The following TTN variants were observed in gnomAD, a reference collection of about 807,000 sequenced individuals.
TTN encodes the protein connectin.
A neutral mutation model predicts 3,223.0 loss-of-function variants in TTN; 1,525 were observed. That is an observed-to-expected ratio of 0.47 (90% CI 0.45 to 0.49). The LOEUF (loss-of-function observed/expected upper bound fraction) is 0.49, where lower values mean the gene tolerates loss of function less well. Among genes scored for constraint, TTN ranks in the 20% least tolerant of loss-of-function variants. The probability of loss-of-function intolerance (pLI) is 0.00; values close to 1 mark genes in which losing one functional copy is unlikely to be tolerated. For synonymous variants in TTN, 14,094 were observed against 15,161.0 expected (o/e 0.93, Z 5.17); for missense variants, 40,786 against 43,424.0 (o/e 0.94, Z 5.40).
At chr2:178,796,979 C>A (rs552657254) in intron 6 of TTN, among the ~76,000 whole-genome samples, 1 of 152,226 alleles carries the variant, frequency 6.6e-6, no homozygotes, top group South Asian at 2.1e-4. Flanking sequence ...CTTTGATAAC[C>A]ATTATTTTCT....
Position 178,566,256 on chromosome 2 carries a change from A to G in TTN, c.79876T>C (p.Trp26626Arg). 2 of 1,613,674 alleles carry G rather than the reference A, an allele frequency of 1.2e-6. No homozygotes were observed. Residue 26626 changes from tryptophan to arginine, a missense_variant, in exon 326 of 363, where the codon TGG becomes CGG. By Grantham distance (101) the Trp-to-Arg change is moderately radical. Transcript: ENST00000589042. The part of the protein sequence containing the change: ...FKGRPTPEIT[W>R]SREEGEFTDK... ...GTGAATTCACCTTCCTCTCGAGACC[A>G]AGTGATCTCAGGCGTTGGACGACCT...
Position 178,565,624 on chromosome 2 carries a change from A to G in TTN, c.80508T>C (p.Cys26836=), listed in dbSNP as rs756970012. The part of the protein sequence containing the change: ...KWSIVAESKV[C]NAVVTGLSSG... ...AACTCAAACCAGTAACAACTGCATTACAGACTTTGGATTCAGCCACAATGC... is the reference window on the plus strand; with the variant it reads ...AACTCAAACCAGTAACAACTGCATTGCAGACTTTGGATTCAGCCACAATGC... Residue 26836 remains cysteine, a synonymous_variant, in exon 326 of 363, where the codon TGT becomes TGC. Transcript: ENST00000589042. 6.2e-7 allele frequency: 1 copy of G among 1,613,482 alleles called. No individual in the cohort carries two copies. The highest frequency in any genetic ancestry group is 1.3e-5 in the African/African-American group (1 of 74,874).
chr2:178,646,847 C>A (rs1266730809), intron 215 of TTN, among the ~76,000 whole-genome samples: 1 of 151,964 alleles, frequency 6.6e-6, no homozygotes, highest in Admixed American at 6.6e-5. Context: ...CTTCAGTAAA[C>A]TGTACCTTTT....
chr2:178,592,954 A>C lies in TTN; in HGVS notation c.59165T>G (p.Val19722Gly). 6.2e-7 allele frequency: 1 copy of C among 1,613,478 alleles called. No individual in the cohort carries two copies. Among genetic ancestry groups the C allele is most frequent in the Non-Finnish European group, 8.5e-7 (1 of 1,179,604 alleles). Reference protein sequence around the residue: ...ILGYIVEYQKVGDEEWRRANH... With the variant: ...ILGYIVEYQKGGDEEWRRANH... ...GGCTCTTCTCCACTCTTCATCTCCA[A>C]CTTTCTGGTACTCAACAATATAACC... Residue 19722 changes from valine (V) to glycine (G), a missense_variant, in exon 300 of 363, where the codon GTT (valine) becomes GGT (glycine). Coordinates refer to ENST00000589042, the MANE Select transcript of TTN (RefSeq NM_001267550.2).
At chr2:178,758,788 G>A (rs1345390581) in intron 44 of TTN, 196 bp downstream of exon 44, 14 of 627,910 alleles carry the variant, frequency 2.2e-5, no homozygotes, top group Admixed American at 7.8e-5. Context: ...CAAATGAAAC[G>A]TGATGGTCTA....
Position 178,609,469 on chromosome 2 carries a change from A to G in TTN, c.51841T>C (p.Trp17281Arg), listed in dbSNP as rs368846015. ...ACAATAACATTTTCATCCTTTATCCATGTAATAGTTGGGTAAGGTGATCCA... is the reference window on the plus strand; with the variant it reads ...ACAATAACATTTTCATCCTTTATCCGTGTAATAGTTGGGTAAGGTGATCCA... The part of the protein sequence containing the change: ...ISGSPYPTIT[W>R]IKDENVIVPE... The change falls in exon 273 of 363, where the codon TGG (tryptophan) becomes CGG (arginine). Residue 17281 changes from tryptophan (W) to arginine (R), a missense_variant. By Grantham distance (101) the Trp-to-Arg change is moderately radical. Transcript: ENST00000589042. 6.8e-6 allele frequency: 11 copies of G among 1,612,250 alleles called. No homozygotes were observed. The African/African-American group carries it at 9.4e-5, about 14-fold the overall frequency.
rs1201583130 is a variant in TTN at position 178,564,402 on chromosome 2, T to A, written c.81730A>T (p.Arg27244Ter). 1 of 1,613,414 alleles carries A rather than the reference T, an allele frequency of 6.2e-7. No homozygotes were observed. Among genetic ancestry groups the A allele is most frequent in the Non-Finnish European group, 8.5e-7 (1 of 1,179,724 alleles). The change falls in exon 326 of 363, where the codon AGA becomes TGA. Residue 27244 changes from arginine to a stop codon, truncating the protein, a stop_gained. Transcript: ENST00000589042. LOFTEE classifies it high-confidence loss of function. ...GLVEDQRYEF[R>*]VIARNAAGNF... ...CCAGCTGCATTTCTTGCAATTACTCTAAATTCATATCTTTGGTCTTCTACA... is the reference window on the plus strand; with the variant it reads ...CCAGCTGCATTTCTTGCAATTACTCAAAATTCATATCTTTGGTCTTCTACA...
At chr2:178,604,387 G>A in intron 281 of TTN, 82 bp from the exon 282 acceptor site, 2 of 1,135,560 alleles carry the variant, frequency 1.8e-6, no homozygotes, top group Non-Finnish European at 2.3e-6. Flanking sequence ...AACTTATTTT[G>A]GGAGGGATGA....
intron 41 of TTN, 96 bp downstream of exon 41, chr2:178,766,285 T>A: frequency 3.0e-6 from 3 of 1,001,042 alleles, no homozygotes. Flanking sequence ...ATAGGTTCTT[T>A]AGAAATTTCC....
At chr2:178,689,432 T>C (rs1281252176) in intron 123 of TTN, 59 bp from the exon 124 acceptor site, 2 of 1,606,096 alleles carry the variant, frequency 1.2e-6, no homozygotes, top group South Asian at 1.1e-5. Flanking sequence ...ATGAGCAACA[T>C]AGAAGTGGCA....
chr2:178,533,145 A>C lies in TTN; in HGVS notation c.103470T>G (p.Thr34490=). The change falls in exon 358 of 363, where the codon ACT becomes ACG. Residue 34490 remains threonine, a synonymous_variant. Transcript: ENST00000589042. ...CTACCTGTGTCAGTGGTACACTTTC[A>C]GTTCCAGAAAGAATTTCAGCCATTC... is the stretch of plus-strand genomic sequence containing the variant. ...TLRMAEILSG[T]ESVPLTQVAK... 1 of 1,613,944 alleles carries C rather than the reference A, an allele frequency of 6.2e-7. No individual in the cohort carries two copies. The highest frequency in any genetic ancestry group is 8.5e-7 in the Non-Finnish European group (1 of 1,179,864).
Position 178,550,182 on chromosome 2 carries a change from TC to T in TTN, c.91655del (p.Gly30552GlufsTer7), listed in dbSNP as rs1698781465. On this transcript the variant is annotated frameshift_variant, in exon 337 of 363. Transcript: ENST00000589042. LOFTEE classifies it high-confidence loss of function. ...ACCAAGTTACTCGAGGCACTGGTCT[TC>T]CTTGTACCAAAGCTTTAATTCTAAG... ...ESLRIKALVQ[G>X]RPVPRVTWFK... 1 of 1,613,822 alleles carries T rather than the reference TC, an allele frequency of 6.2e-7. No homozygotes were observed. The highest frequency in any genetic ancestry group is 8.5e-7 in the Non-Finnish European group (1 of 1,179,778).
At position 178,704,869 on chromosome 2, in the gene TTN, C is replaced by A. The variant is rs2075607228; in HGVS notation, c.29694+8G>T. ...TGTTCATTTTATTATCAACATAATT[C>A]TTTTTACCTCTGTCTGTGACAGTCT... On this transcript the variant is annotated splice_region_variant and intron_variant, in intron 104 of 362. Coordinates refer to ENST00000589042, the MANE Select transcript of TTN (RefSeq NM_001267550.2). 4 of 1,611,832 alleles carry A rather than the reference C, an allele frequency of 2.5e-6. No individual in the cohort carries two copies. The highest frequency in any genetic ancestry group is 1.7e-5 in the Admixed American group (1 of 59,676).
chr2:178,804,507 G>C (rs2094220838), intron 2 of TTN, 45 bp downstream of exon 2: 2 of 1,583,466 alleles, frequency 1.3e-6, no homozygotes, highest in Non-Finnish European at 1.7e-6. Context: ...TTACTGGAGA[G>C]GAGGCAAAGG....
intron 112 of TTN, among the ~76,000 whole-genome samples, chr2:178,698,307 G>A (rs2074091136): frequency 6.6e-6 from 1 of 152,166 alleles, no homozygotes; most frequent in Admixed American, 6.5e-5. Flanking sequence ...CTTGAGATCT[G>A]TTGCACAGAG....
Position 178,612,372 on chromosome 2 carries a change from C to A in TTN, c.50153G>T (p.Gly16718Val). 6.2e-7 allele frequency: 1 copy of A among 1,612,520 alleles called. No individual in the cohort carries two copies. The highest frequency in any genetic ancestry group is 1.1e-5 in the South Asian group (1 of 91,040). The change falls in exon 266 of 363, where the codon GGC (glycine) becomes GTC (valine). Residue 16718 changes from glycine to valine, a missense_variant. By Grantham distance (109) the Gly-to-Val change is moderately radical. Transcript: ENST00000589042. ...TKCTVTPLTE[G>V]SLYVFRVAAE... ...AGCAACTCGGAACACATATAAAGAGCCCTCAGTCAGTGGGGTGACTGTGCA... is the reference window on the plus strand; with the variant it reads ...AGCAACTCGGAACACATATAAAGAGACCTCAGTCAGTGGGGTGACTGTGCA...
At chr2:178,558,275 T>C (rs1702274492) in intron 327 of TTN, 40 bp from the exon 328 acceptor site, 3 of 1,589,538 alleles carry the variant, frequency 1.9e-6, no homozygotes, top group African/African-American at 2.7e-5. Flanking sequence ...AAAAAGTGTT[T>C]CTGAAAATTA....
At chr2:178,712,262 C>T in intron 95 of TTN, 40 bp from the exon 96 acceptor site, 1 of 1,608,432 alleles carries the variant, frequency 6.2e-7, no homozygotes, top group Non-Finnish European at 8.5e-7. Flanking sequence ...ATGAAGGAGA[C>T]ATGCCAGATC....
In TTN at chr2:178,735,864, T is replaced by A. The variant is rs566100734; in HGVS notation, c.14582A>T (p.Asp4861Val). The A allele has an allele frequency of 1.7e-5, 27 of 1,613,778 alleles. 1 individual carries two copies. The South Asian group carries it at 2.9e-4, about 17-fold the overall frequency. The part of the protein sequence containing the change: ...ILELSNLTIQ[D>V]RGVYSCKASN... ...AGCCTTACAAGAATAAACTCCTCTA[T>A]CTTGAATGGTAAGGTTTGAGAGTTC... Residue 4861 changes from aspartate to valine, a missense_variant, in exon 50 of 363, where the codon GAT becomes GTT. Asp to Val is a radical substitution (Grantham distance 152). Transcript: ENST00000589042.
Sources: allele counts gnomAD v4.1 joint callset (sites outside exome capture counted in the v4.1 genomes callset), GRCh38; gene constraint gnomAD v4.1.1; transcripts MANE v1.5; gene names NCBI Gene and HGNC (gene_info 2026-07-23, HGNC 2026-07-21).